Variants in ARHGAP25 observed in about 807,000 individuals in gnomAD.
The protein encoded by ARHGAP25 is Rho GTPase activating protein 25.
In ARHGAP25, 34 loss-of-function variants were observed where a neutral mutation model predicts 71.0. The ratio of observed to expected loss-of-function variants is 0.48; its 90% confidence interval spans 0.36 to 0.64. The LOEUF is 0.64. Ranked by LOEUF, ARHGAP25 falls within the 30% of genes least tolerant of loss-of-function variation. The pLI is 0.00. For synonymous variants in ARHGAP25, 282 were observed against 296.5 expected (o/e 0.95, Z 0.50); for missense variants, 706 against 805.1 (o/e 0.88, Z 1.49).
intron 1 of ARHGAP25, among the ~76,000 whole-genome samples, chr2:68,743,296 G>A (rs1331889246): frequency 8.3e-6 from 1 of 121,102 alleles, no homozygotes; most frequent in East Asian, 2.4e-4. Context: ...TGGGCTTCAG[G>A]GGCTCAGTGT....
intron 2 of ARHGAP25, among the ~76,000 whole-genome samples, chr2:68,724,945 C>A (rs61001218): frequency 6.6e-6 from 1 of 152,290 alleles, no homozygotes; most frequent in Non-Finnish European, 1.5e-5. Context: ...ACCAGCAGAG[C>A]CTTTGCTGGT....
chr2:68,753,819 TGAGAATGTCAGCTCTGTGTAACAAATGTG>T, intron 1 of ARHGAP25, among the ~76,000 whole-genome samples: 1 of 152,202 alleles, frequency 6.6e-6, no homozygotes, highest in South Asian at 2.1e-4. Context: ...CAGGAGGAGG[TGAGAATGTCAGCTCTGTGTAACAAATGTG>T]CAATAAATGT....
chr2:68,804,605 G>C (rs1352853668), intron 4 of ARHGAP25, among the ~76,000 whole-genome samples: 1 of 152,112 alleles, frequency 6.6e-6, no homozygotes, highest in African/African-American at 2.4e-5. Context: ...TTCATAACTT[G>C]TTGGCAAACT....
intron 1 of ARHGAP25, among the ~76,000 whole-genome samples, chr2:68,736,334 A>G (rs1257137737): frequency 2.0e-5 from 3 of 152,340 alleles, no homozygotes; most frequent in East Asian, 1.9e-4. Context: ...GCTGTGAATG[A>G]TTGTATGCTG....
intron 2 of ARHGAP25, among the ~76,000 whole-genome samples, chr2:68,716,292 C>T (rs1674607082): frequency 6.6e-6 from 1 of 152,186 alleles, no homozygotes; most frequent in African/African-American, 2.4e-5. Context: ...TTATCATTCT[C>T]CCTTTTCAAA....
chr2:68,771,462 C>T (rs563106335), intron 1 of ARHGAP25, among the ~76,000 whole-genome samples: 39 of 152,120 alleles, frequency 2.6e-4, no homozygotes, highest in Non-Finnish European at 5.1e-4. Flanking sequence ...TTACTTTATC[C>T]GGAACAAGTC....
intron 3 of ARHGAP25, among the ~76,000 whole-genome samples, chr2:68,786,838 T>C (rs1240357442): frequency 1.3e-5 from 2 of 152,242 alleles, no homozygotes; most frequent in Admixed American, 1.3e-4. Flanking sequence ...TGGCCTGCCA[T>C]TGTGAGAAGA....
chr2:68,726,568 C>T (rs151122574), intron 2 of ARHGAP25, among the ~76,000 whole-genome samples: 71 of 152,294 alleles, frequency 4.7e-4, no homozygotes, highest in African/African-American at 1.5e-3. Context: ...TAATAATGCC[C>T]GTCTTGGCCT....
intron 1 of ARHGAP25, among the ~76,000 whole-genome samples, chr2:68,770,550 G>C (rs540953125): frequency 6.6e-6 from 1 of 152,190 alleles, no homozygotes; most frequent in South Asian, 2.1e-4. Context: ...TTTCTCAGCT[G>C]ACTTCTCTGT....
intron 1 of ARHGAP25, 178 bp downstream of exon 1, chr2:68,735,438 G>A (rs71413157): frequency 0.059 from 38,294 of 652,012 alleles, 1,316 homozygotes; most frequent in Admixed American, 0.1. Flanking sequence ...ATGCTGGGAG[G>A]GGGTTCTCTT....
At chr2:68,799,420 T>C (rs1305375962) in intron 4 of ARHGAP25, among the ~76,000 whole-genome samples, 1 of 152,186 alleles carries the variant, frequency 6.6e-6, no homozygotes, top group Admixed American at 6.5e-5. Context: ...ACAAACTGCC[T>C]TCAAGATCAT....
At chr2:68,729,966 A>G (rs532260104), upstream of ARHGAP25, among the ~76,000 whole-genome samples, 1 of 152,378 alleles carries the variant, frequency 6.6e-6, no homozygotes, top group South Asian at 2.1e-4. Flanking sequence ...ATTTATGCAT[A>G]TCTCCAATGC....
At chr2:68,757,436 A>C (rs779281503) in intron 1 of ARHGAP25, among the ~76,000 whole-genome samples, 12 of 152,160 alleles carry the variant, frequency 7.9e-5, no homozygotes, top group Non-Finnish European at 1.8e-4. Flanking sequence ...CATACAAGGA[A>C]TTTTCAATAA....
intron 7 of ARHGAP25, among the ~76,000 whole-genome samples, chr2:68,817,189 A>G (rs1681296777): frequency 6.6e-6 from 1 of 152,208 alleles, no homozygotes; most frequent in Admixed American, 6.5e-5. Flanking sequence ...ATAATATTTC[A>G]TAATGTTTCA....
chr2:68,786,439 G>C (rs1170758439), intron 3 of ARHGAP25, among the ~76,000 whole-genome samples: 1 of 152,174 alleles, frequency 6.6e-6, no homozygotes, highest in African/African-American at 2.4e-5. Flanking sequence ...ACGAACTGGT[G>C]CTTTTGCATC....
At chr2:68,768,798 C>T (rs1305855013) in intron 1 of ARHGAP25, among the ~76,000 whole-genome samples, 1 of 152,188 alleles carries the variant, frequency 6.6e-6, no homozygotes, top group Non-Finnish European at 1.5e-5. Context: ...TCAGTCCACC[C>T]TCACACTTTA....
chr2:68,799,844 C>A (rs1315245573), intron 4 of ARHGAP25, among the ~76,000 whole-genome samples: 2 of 152,130 alleles, frequency 1.3e-5, no homozygotes, highest in Non-Finnish European at 2.9e-5. Flanking sequence ...ATGTGCTGAT[C>A]TGGAAGTGAG....
intron 4 of ARHGAP25, 65 bp downstream of exon 4, chr2:68,788,021 C>A: frequency 7.9e-7 from 1 of 1,266,608 alleles, no homozygotes; most frequent in Non-Finnish European, 1.2e-6. Context: ...GGAAGTAGCT[C>A]CAATGTGATA....
At chr2:68,717,918 A>G (rs11677566) in intron 2 of ARHGAP25, among the ~76,000 whole-genome samples, 35,731 of 151,950 alleles carry the variant, frequency 0.24, 4,448 homozygotes, top group East Asian at 0.37. Context: ...TTTCTTTTGC[A>G]CTCATATTTC....
Sources: allele counts gnomAD v4.1 joint callset (sites outside exome capture counted in the v4.1 genomes callset), GRCh38; gene constraint gnomAD v4.1.1; transcripts MANE v1.5; gene names NCBI Gene and HGNC (gene_info 2026-07-23, HGNC 2026-07-21).